Variants in NALF1 observed in about 807,000 individuals in gnomAD.
NALF1 encodes the protein NALCN channel auxiliary factor 1, also known as family with sequence similarity 155 member A.
Under a neutral mutation model 48.4 loss-of-function variants are expected in NALF1, and 3 were observed. The observed-to-expected ratio is 0.06, with a 90% CI of 0.03 to 0.16. The LOEUF (loss-of-function observed/expected upper bound fraction) is 0.16, where lower values mean the gene tolerates loss of function less well. Ranked by LOEUF, NALF1 falls within the 10% of genes least tolerant of loss-of-function variation. NALF1 has a pLI of 1.00. For synonymous variants in NALF1, 262 were observed against 245.7 expected (o/e 1.07, Z -0.62); for missense variants, 526 against 571.5 (o/e 0.92, Z 0.81).
intron 1 of NALF1, among the ~76,000 whole-genome samples, chr13:107,660,369 G>A (rs973004140): frequency 1.3e-5 from 2 of 151,212 alleles, no homozygotes; most frequent in African/African-American, 2.4e-5. Context: ...TGGGGGCAGA[G>A]GTTGCAGTAA....
chr13:107,346,082 T>C (rs1041219706), intron 1 of NALF1, among the ~76,000 whole-genome samples: 1 of 151,926 alleles, frequency 6.6e-6, no homozygotes, highest in Non-Finnish European at 1.5e-5. Flanking sequence ...CCCACTAGGA[T>C]GGGCAGCATA....
chr13:107,249,852 T>C (rs1880661079), intron 1 of NALF1, among the ~76,000 whole-genome samples: 2 of 152,160 alleles, frequency 1.3e-5, no homozygotes, highest in Admixed American at 1.3e-4. Flanking sequence ...TGACTATCAA[T>C]TAATCACTTT....
intron 1 of NALF1, among the ~76,000 whole-genome samples, chr13:107,787,307 CAAT>C (rs1331876381): frequency 6.6e-6 from 1 of 151,780 alleles, no homozygotes; most frequent in Non-Finnish European, 1.5e-5. Context: ...TAAATTTTTC[CAAT>C]AATATGTTTA....
rs536681425 is a variant in NALF1, at chr13:107,539,844, T to G, written c.915+325838A>C. On this transcript the variant is annotated intron_variant, in intron 1 of 2. Transcript: ENST00000375915. The stretch of plus-strand genomic sequence containing the variant: ...TAAGACTCAAACTCAGTTCTATGAC[T>G]CCAATTCACAAATTCTTGACTAGTA... Among the ~76,000 whole-genome samples, 21 of 152,192 alleles carry G rather than the reference T, an allele frequency of 1.4e-4. No homozygotes were observed. In the East Asian group the frequency reaches 2.7e-3, roughly 20 times the overall value.
intron 1 of NALF1, among the ~76,000 whole-genome samples, chr13:107,482,667 G>A (rs1224301741): frequency 2.0e-5 from 3 of 152,126 alleles, no homozygotes; most frequent in Non-Finnish European, 4.4e-5. Flanking sequence ...CATGGGAAAT[G>A]GTCTTGAATA....
At chr13:107,762,648 T>C (rs1008842510) in intron 1 of NALF1, among the ~76,000 whole-genome samples, 1 of 151,818 alleles carries the variant, frequency 6.6e-6, no homozygotes, top group Non-Finnish European at 1.5e-5. Flanking sequence ...GTTTAGGAAA[T>C]GGAATGGTGG....
At chr13:107,500,437 T>C (rs1471660268) in intron 1 of NALF1, among the ~76,000 whole-genome samples, 2 of 151,854 alleles carry the variant, frequency 1.3e-5, no homozygotes, top group East Asian at 1.9e-4. Flanking sequence ...TGGCAATCAT[T>C]AAAAAGTCAG....
intron 1 of NALF1, among the ~76,000 whole-genome samples, chr13:107,338,463 G>C (rs567172827): frequency 8.5e-5 from 13 of 152,300 alleles, no homozygotes; most frequent in Admixed American, 8.5e-4. Context: ...AAAGTCACTG[G>C]ACTTAGTGAT....
chr13:107,602,330 A>G (rs1176076039), intron 1 of NALF1, among the ~76,000 whole-genome samples: 1 of 152,184 alleles, frequency 6.6e-6, no homozygotes, highest in African/African-American at 2.4e-5. Context: ...AGCTATTTAG[A>G]GAGAAAACAT....
chr13:107,795,535 T>C (rs1878394587), intron 1 of NALF1, among the ~76,000 whole-genome samples: 1 of 152,198 alleles, frequency 6.6e-6, no homozygotes, highest in African/African-American at 2.4e-5. Flanking sequence ...GAAAATCCTT[T>C]ACGCTTTTCT....
chr13:107,448,560 G>A (rs1884688653), intron 1 of NALF1, among the ~76,000 whole-genome samples: 2 of 152,186 alleles, frequency 1.3e-5, no homozygotes, highest in African/African-American at 4.8e-5. Context: ...GTCATGTCCA[G>A]ATTAATGGTC....
At chr13:107,208,062 AAAG>A (rs1343686107) in intron 2 of NALF1, among the ~76,000 whole-genome samples, 1 of 152,358 alleles carries the variant, frequency 6.6e-6, no homozygotes, top group Admixed American at 6.5e-5. Flanking sequence ...ACACCTTAGA[AAAG>A]AAGATCAATA....
At chr13:107,248,166 A>T (rs1287894271) in intron 1 of NALF1, among the ~76,000 whole-genome samples, 1 of 152,126 alleles carries the variant, frequency 6.6e-6, no homozygotes, top group East Asian at 1.9e-4. Context: ...AAAAGAGGAC[A>T]AGAAGACAAT....
chr13:107,382,081 T>C (rs1883450391), intron 1 of NALF1, among the ~76,000 whole-genome samples: 1 of 152,222 alleles, frequency 6.6e-6, no homozygotes, highest in Non-Finnish European at 1.5e-5. Context: ...GCCACTATCA[T>C]CTCTTGCTGG....
chr13:107,546,001 C>T (rs9559059), intron 1 of NALF1, among the ~76,000 whole-genome samples: 6,667 of 152,110 alleles, frequency 0.044, 525 homozygotes, highest in East Asian at 0.37. Flanking sequence ...TTTCTTTATA[C>T]TGGAGTGTTC....
At chr13:107,758,833 G>C (rs933553075) in intron 1 of NALF1, among the ~76,000 whole-genome samples, 2 of 152,160 alleles carry the variant, frequency 1.3e-5, no homozygotes, top group African/African-American at 4.8e-5. Context: ...AAAATGTTTA[G>C]GTATAGAATT....
At chr13:107,178,760 C>G (rs1413865262) in intron 2 of NALF1, among the ~76,000 whole-genome samples, 2 of 151,416 alleles carry the variant, frequency 1.3e-5, no homozygotes, top group Non-Finnish European at 2.9e-5. Flanking sequence ...TGGTTTACAC[C>G]GTGAAACCCC....
intron 1 of NALF1, among the ~76,000 whole-genome samples, chr13:107,523,635 G>C (rs1326350760): frequency 6.6e-6 from 1 of 150,664 alleles, no homozygotes; most frequent in African/African-American, 2.4e-5. Flanking sequence ...TGGAGCAGGA[G>C]AGATTGCCTT....
At chr13:107,203,517 C>A (rs1879566083) in intron 2 of NALF1, among the ~76,000 whole-genome samples, 1 of 152,202 alleles carries the variant, frequency 6.6e-6, no homozygotes, top group African/African-American at 2.4e-5. Flanking sequence ...AAAATATTTG[C>A]CAGACACGGT....
Sources: gnomAD v4.1 joint callset for allele counts (sites outside exome capture counted in the v4.1 genomes callset) on GRCh38, gnomAD v4.1.1 for gene constraint, MANE v1.5 for transcripts, NCBI Gene and HGNC (gene_info 2026-07-23, HGNC 2026-07-21) for gene names.